Variants in CNTN5 observed in about 807,000 individuals in gnomAD.
The protein encoded by CNTN5 is contactin 5.
A neutral mutation model predicts 129.1 loss-of-function variants in CNTN5; 77 were observed. That is an observed-to-expected ratio of 0.60 (90% CI 0.50 to 0.72). The LOEUF (loss-of-function observed/expected upper bound fraction) is 0.72. Among genes scored for constraint, CNTN5 ranks in the 30% least tolerant of loss-of-function variants. The pLI is 0.00. For synonymous variants in CNTN5, 509 were observed against 465.6 expected, an observed-to-expected ratio of 1.09 and a Z score of -1.20; for missense variants, 1,478 against 1,328.8, an observed-to-expected ratio of 1.11 and a Z score of -1.75.
At chr11:100,203,312 T>G (rs971754619) in intron 15 of CNTN5, among the ~76,000 whole-genome samples, 1 of 152,010 alleles carries the variant, frequency 6.6e-6, no homozygotes, top group Non-Finnish European at 1.5e-5. Flanking sequence ...TCAACATCCC[T>G]TTTTAGGCTT....
At chr11:99,990,643 C>T (rs571006770) in intron 8 of CNTN5, among the ~76,000 whole-genome samples, 2 of 152,104 alleles carry the variant, frequency 1.3e-5, no homozygotes, top group East Asian at 3.9e-4. Context: ...ACATAGCAAT[C>T]ACTCACCTTA....
intron 1 of CNTN5, among the ~76,000 whole-genome samples, chr11:99,313,961 G>A (rs976775059): frequency 8.6e-5 from 13 of 151,950 alleles, no homozygotes; most frequent in Admixed American, 2.6e-4. Context: ...GAAGGAGAAT[G>A]GTGAAGACTA....
At chr11:100,081,001 A>G (rs1944343747) in intron 13 of CNTN5, among the ~76,000 whole-genome samples, 1 of 152,116 alleles carries the variant, frequency 6.6e-6, no homozygotes, top group Admixed American at 6.6e-5. Context: ...GCTGTTTCCT[A>G]TCCATGAACT....
chr11:99,199,273 G>A (rs886873665), intron 1 of CNTN5, among the ~76,000 whole-genome samples: 1 of 152,168 alleles, frequency 6.6e-6, no homozygotes, highest in African/African-American at 2.4e-5. Flanking sequence ...CAGTGTGGGA[G>A]CTAGGATTAA....
At chr11:99,576,189 G>A (rs1400940407) in intron 3 of CNTN5, among the ~76,000 whole-genome samples, 2 of 152,182 alleles carry the variant, frequency 1.3e-5, no homozygotes, top group Non-Finnish European at 2.9e-5. Flanking sequence ...GTGGAGGAAT[G>A]AGAGATTGAA....
chr11:99,486,864 A>G (rs548190022), intron 2 of CNTN5, among the ~76,000 whole-genome samples: 109 of 152,296 alleles, frequency 7.2e-4, no homozygotes, highest in African/African-American at 2.4e-3. Context: ...CACAAAAGAG[A>G]TTAGAAAAAT....
At chr11:99,600,872 T>A (rs1950291776) in intron 3 of CNTN5, among the ~76,000 whole-genome samples, 1 of 152,160 alleles carries the variant, frequency 6.6e-6, no homozygotes, top group Non-Finnish European at 1.5e-5. Flanking sequence ...GTATTTTGGG[T>A]CCAGTTGATC....
chr11:100,159,213 A>T (rs941015011), intron 13 of CNTN5, among the ~76,000 whole-genome samples: 1 of 151,832 alleles, frequency 6.6e-6, no homozygotes, highest in African/African-American at 2.4e-5. Context: ...GAAAAAAAAA[A>T]GTTAAAATGG....
At chr11:99,295,478 A>T (rs4492781) in intron 1 of CNTN5, among the ~76,000 whole-genome samples, 140,260 of 152,274 alleles carry the variant, frequency 0.92, 64,690 homozygotes, top group East Asian at 1. Flanking sequence ...GAATATTGCC[A>T]CTTTTATTCT....
At chr11:99,203,668 C>A (rs1434048082) in intron 1 of CNTN5, among the ~76,000 whole-genome samples, 1 of 151,988 alleles carries the variant, frequency 6.6e-6, no homozygotes, top group South Asian at 2.1e-4. Context: ...CGGCTCACTG[C>A]AACCTCTGCC....
intron 3 of CNTN5, among the ~76,000 whole-genome samples, chr11:99,565,718 T>C (rs1429232642): frequency 1.3e-5 from 2 of 152,204 alleles, no homozygotes; most frequent in African/African-American, 4.8e-5. Context: ...GAAGAGTATA[T>C]ACGATTGTGA....
chr11:99,937,445 GGA>G (rs1794795030), intron 7 of CNTN5, among the ~76,000 whole-genome samples: 1 of 152,194 alleles, frequency 6.6e-6, no homozygotes, highest in Non-Finnish European at 1.5e-5. Context: ...ATGAAAGTCT[GGA>G]GAGAGAAAAC....
Position 99,671,426 on chromosome 11 carries a change from G to T in CNTN5, c.55+115157G>T, listed in dbSNP as rs546956881. ...AAGCACTCTAAGTGTATGAATATAC[G>T]GTTGGGTAAACTGCTGGTGAATTTG... On this transcript the variant is annotated intron_variant, in intron 3 of 24. Transcript: ENST00000524871. Among the ~76,000 whole-genome samples the T allele has an allele frequency of 2.0e-5, 3 of 152,082 alleles. No individual in the cohort carries two copies. The South Asian group carries it at 6.2e-4, about 31-fold the overall frequency.
chr11:99,397,636 G>T (rs1393430755), intron 2 of CNTN5, among the ~76,000 whole-genome samples: 1 of 151,628 alleles, frequency 6.6e-6, no homozygotes, highest in Middle Eastern at 3.2e-3. Context: ...ATCATTAAGA[G>T]CTCTTTCAGA....
At chr11:99,307,932 T>C (rs369350522) in intron 1 of CNTN5, among the ~76,000 whole-genome samples, 114 of 152,318 alleles carry the variant, frequency 7.5e-4, no homozygotes, top group African/African-American at 2.6e-3. Context: ...ACACAGAAAC[T>C]AAATCAATGT....
chr11:100,247,623 C>T (rs1313212631), intron 16 of CNTN5, among the ~76,000 whole-genome samples: 1 of 152,080 alleles, frequency 6.6e-6, no homozygotes, highest in Non-Finnish European at 1.5e-5. Context: ...TATCAGGAGA[C>T]ATCATCTTGT....
At chr11:100,196,083 C>A (rs532824290) in intron 15 of CNTN5, among the ~76,000 whole-genome samples, 84 of 151,890 alleles carry the variant, frequency 5.5e-4, no homozygotes, top group Non-Finnish European at 9.6e-4. Flanking sequence ...CAAGAAGAGT[C>A]ATTAAAGGAT....
chr11:99,744,871 A>C (rs576640409), intron 3 of CNTN5, among the ~76,000 whole-genome samples: 1 of 152,220 alleles, frequency 6.6e-6, no homozygotes, highest in Admixed American at 6.5e-5. Flanking sequence ...TAGTTGGCTT[A>C]TCTGCCAATG....
intron 1 of CNTN5, among the ~76,000 whole-genome samples, chr11:99,040,732 G>A (rs950126943): frequency 6.6e-6 from 1 of 152,084 alleles, no homozygotes; most frequent in Non-Finnish European, 1.5e-5. Flanking sequence ...TACTCTGAAT[G>A]ATTTATTCAA....
Sources: gnomAD v4.1 joint callset for allele counts (sites outside exome capture counted in the v4.1 genomes callset) on GRCh38, gnomAD v4.1.1 for gene constraint, MANE v1.5 for transcripts, NCBI Gene and HGNC (gene_info 2026-07-23, HGNC 2026-07-21) for gene names.